Variants in AKAP9 observed in about 807,000 individuals in gnomAD.
AKAP9 encodes the protein A-kinase anchor protein 9.
A neutral mutation model predicts 488.5 loss-of-function variants in AKAP9; 311 were observed. The ratio of observed to expected loss-of-function variants is 0.64; its 90% CI spans 0.58 to 0.70. The LOEUF is 0.70. Ranked by LOEUF, AKAP9 falls within the 30% of genes least tolerant of loss-of-function variation. The pLI is 0.00. For missense variants in AKAP9, 4,215 were observed against 4,374.5 expected, an observed-to-expected ratio of 0.96 and a Z score of 1.03; for synonymous variants, 1,462 against 1,483.5, an observed-to-expected ratio of 0.99 and a Z score of 0.33.
chr7:92,089,211 G>A (rs1384835970), intron 37 of AKAP9, among the ~76,000 whole-genome samples, 174 bp from the exon 38 acceptor site: 1 of 152,110 alleles, frequency 6.6e-6, no homozygotes. Flanking sequence ...AGAGGTAAAT[G>A]AGCATTTGTC....
intron 22 of AKAP9, chr7:92,058,312 C>A (rs1258014105): frequency 3.4e-6 from 2 of 580,618 alleles, no homozygotes; most frequent in Non-Finnish European, 6.9e-6. Flanking sequence ...ATGAAAATAA[C>A]TCAGTAATTG....
intron 25 of AKAP9, among the ~76,000 whole-genome samples, chr7:92,065,865 G>C (rs547678218): frequency 6.6e-6 from 1 of 152,058 alleles, no homozygotes; most frequent in Non-Finnish European, 1.5e-5. Context: ...AAATGGGCCC[G>C]GAACAGTGGT....
chr7:91,973,842 A>T lies in AKAP9; in HGVS notation c.180A>T (p.Ser60=), dbSNP rs761701541. Residue 60 remains serine (S), a synonymous_variant, in exon 2 of 50, where the codon TCA becomes TCT. Coordinates refer to ENST00000356239, the MANE Select transcript of AKAP9 (RefSeq NM_005751.5). ...ACCATGATTTGAATATTGATCAATC[A>T]CAGTGTAATGAAATGTACATAAATA... ...SAHHDLNIDQ[S]QCNEMYINSS... is the part of the protein sequence containing the mutation. 6 of 1,614,148 alleles carry T rather than the reference A, an allele frequency of 3.7e-6. No homozygotes were observed. In the South Asian group the frequency reaches 4.4e-5, roughly 12 times the overall value.
intron 1 of AKAP9, among the ~76,000 whole-genome samples, chr7:91,944,716 G>A (rs1791218836): frequency 6.6e-6 from 1 of 152,032 alleles, no homozygotes; most frequent in African/African-American, 2.4e-5. Context: ...AAACATAAAG[G>A]CTTATCAAAT....
In AKAP9 at chr7:92,110,300, G is replaced by C. The variant is rs1819141744; in HGVS notation, c.*141G>C. On this transcript the variant is annotated 3_prime_UTR_variant, in exon 50 of 50. Coordinates refer to ENST00000356239, the MANE Select transcript of AKAP9 (RefSeq NM_005751.5). The stretch of plus-strand genomic sequence containing the variant: ...ATGATTGTATACAAATCCCTTGCCA[G>C]CACATGAAAACAAACTGGAATTTGT... The C allele has an allele frequency of 5.7e-6, 4 of 700,558 alleles. No individual in the cohort carries two copies. The highest frequency in any genetic ancestry group is 1.8e-5 in the African/African-American group (1 of 56,002). The allele number at this position is 700,558 out of a possible 1,614,324, so 43.4% of individuals were successfully genotyped here.
chr7:92,001,206 T>C lies in AKAP9; in HGVS notation c.1289T>C (p.Leu430Ser). The C allele has an allele frequency of 6.2e-7, 1 of 1,613,838 alleles. No individual in the cohort carries two copies. The highest frequency in any genetic ancestry group is 8.5e-7 in the Non-Finnish European group (1 of 1,179,918). ...QRMEQETQRK[L>S]EQLRAELDEM... ...ATGGAACAAGAAACACAAAGAAAGTTAGAACAACTCCGGGCAGAGCTGGAT... is the reference window on the plus strand; with the variant it reads ...ATGGAACAAGAAACACAAAGAAAGTCAGAACAACTCCGGGCAGAGCTGGAT... The change falls in exon 8 of 50, where the codon TTA becomes TCA. Residue 430 changes from leucine to serine, a missense_variant. Physicochemically the swap from Leu to Ser is moderately radical, Grantham distance 145. This residue lies in a region of AKAP9 where 2,361 missense variants were observed against 2,430.0 expected (regional missense o/e 0.97). Transcript: ENST00000356239.
chr7:92,030,660 G>A (rs1056362746), intron 15 of AKAP9, among the ~76,000 whole-genome samples: 36 of 151,408 alleles, frequency 2.4e-4, no homozygotes, highest in African/African-American at 8.7e-4. Context: ...AAAAAAAAGG[G>A]TTTAGGAATC....
intron 1 of AKAP9, among the ~76,000 whole-genome samples, chr7:91,952,807 AGG>A (rs1415128980): frequency 2.0e-5 from 3 of 152,024 alleles, no homozygotes; most frequent in African/African-American, 7.2e-5. Flanking sequence ...TCTATTAATG[AGG>A]GGTATTTTTG....
At position 92,002,761 on chromosome 7, in the gene AKAP9, C is replaced by G. The variant is rs748549628; in HGVS notation, c.2844C>G (p.Thr948=). Reference sequence around the variant, plus strand: ...AACTCATGGAAAAACTTGAGGTAACCAAGCGAGAGAAATTAGAGCTGTCAC... The same window carrying G: ...AACTCATGGAAAAACTTGAGGTAACGAAGCGAGAGAAATTAGAGCTGTCAC... ...TTELMEKLEV[T]KREKLELSQR... Residue 948 remains threonine, a synonymous_variant, in exon 8 of 50, where the codon ACC becomes ACG. Coordinates refer to ENST00000356239, the MANE Select transcript of AKAP9 (RefSeq NM_005751.5). 6.8e-6 allele frequency: 11 copies of G among 1,613,508 alleles called. No individual in the cohort carries two copies. Among genetic ancestry groups the G allele is most frequent in the Non-Finnish European group, 9.3e-6 (11 of 1,179,672 alleles).
At chr7:91,998,673 TG>T (rs1562954956) in intron 7 of AKAP9, among the ~76,000 whole-genome samples, 1 of 152,030 alleles carries the variant, frequency 6.6e-6, no homozygotes, top group Non-Finnish European at 1.5e-5. Context: ...AGTTAAATTT[TG>T]TAACATTAAC....
At chr7:92,036,042 G>A (rs1805145748) in intron 16 of AKAP9, among the ~76,000 whole-genome samples, 1 of 151,124 alleles carries the variant, frequency 6.6e-6, no homozygotes. Flanking sequence ...TTATCTATTG[G>A]GAGTAAACTA....
At chr7:92,080,258 A>G (rs1259778426) in intron 31 of AKAP9, 106 bp downstream of exon 31, 1 of 941,294 alleles carries the variant, frequency 1.1e-6, no homozygotes, top group Non-Finnish European at 1.5e-6. Context: ...TTTATACAAG[A>G]AGGTTTTTAT....
rs886062463 is a variant in AKAP9, at chr7:91,940,889, C to A, written c.-211C>A. ...GTTTACGTGGAGACGAAGATGGCGG[C>A]GGCGGCGGCGGTGACGGCGCTTCCC... On this transcript the variant is annotated 5_prime_UTR_variant, in exon 1 of 50. Coordinates refer to ENST00000356239, the MANE Select transcript of AKAP9 (RefSeq NM_005751.5). 9.9e-6 allele frequency: 6 copies of A among 603,136 alleles called. No individual in the cohort carries two copies. The highest frequency in any genetic ancestry group is 1.8e-5 in the Non-Finnish European group (6 of 336,620). 37.4% of individuals were successfully genotyped at this position (603,136 alleles called of 1,614,324 possible). A position where few individuals can be genotyped will look rare whatever the true frequency, so the allele number is the denominator to read the frequency against.
chr7:92,061,587 T>C (rs1250645695), intron 23 of AKAP9, among the ~76,000 whole-genome samples, 165 bp downstream of exon 23: 11 of 35,362 alleles, frequency 3.1e-4, no homozygotes, highest in Non-Finnish European at 6.6e-4. Context: ...TTTAAAACTA[T>C]ATATATATAT....
Position 92,003,059 on chromosome 7 carries a change from A to G in AKAP9, c.3142A>G (p.Ile1048Val), listed in dbSNP as rs754166375. ...TAAAAGTTTTGGTGAAGAATCAAAA[A>G]TAATGGTGGAAGATAAAGTTTCTTT... ...VNKSFGEESKIMVEDKVSFEN... is the reference protein window; with the variant it reads ...VNKSFGEESKVMVEDKVSFEN... Residue 1048 changes from isoleucine to valine, a missense_variant, in exon 8 of 50, where the codon ATA becomes GTA. Physicochemically the swap from Ile to Val is conservative, Grantham distance 29 (BLOSUM62 3). This residue lies in a region of AKAP9 where 2,361 missense variants were observed against 2,430.0 expected (regional missense o/e 0.97). Transcript: ENST00000356239. 2 of 1,613,266 alleles carry G rather than the reference A, an allele frequency of 1.2e-6. No homozygotes were observed. The highest frequency in any genetic ancestry group is 1.7e-6 in the Non-Finnish European group (2 of 1,179,592).
At position 92,077,884 on chromosome 7, in the gene AKAP9, A is replaced by G; in HGVS notation, c.6945+9A>G. 6.3e-7 allele frequency: 1 copy of G among 1,594,442 alleles called. No homozygotes were observed. The highest frequency in any genetic ancestry group is 2.3e-5 in the East Asian group (1 of 44,424). On this transcript the variant is annotated intron_variant, in intron 30 of 49. Transcript: ENST00000356239. Reference sequence around the variant, plus strand: ...TTACAACAGATAACAAGGTATACTCATTTAAAATTGATTATGAAATTAATA... The same window carrying G: ...TTACAACAGATAACAAGGTATACTCGTTTAAAATTGATTATGAAATTAATA...
intron 3 of AKAP9, among the ~76,000 whole-genome samples, chr7:91,990,242 G>A (rs1003836510): frequency 6.6e-6 from 1 of 152,052 alleles, no homozygotes; most frequent in African/African-American, 2.4e-5. Context: ...ACTTTCATAT[G>A]AAGGTTTACT....
chr7:91,995,336 T>C (rs1798256136), intron 6 of AKAP9, among the ~76,000 whole-genome samples: 1 of 152,192 alleles, frequency 6.6e-6, no homozygotes, highest in Non-Finnish European at 1.5e-5. Flanking sequence ...CCATAGGGAA[T>C]TCGGGAAGTA....
At chr7:92,089,799 C>G (rs748824163) in intron 38 of AKAP9, 4 of 253,452 alleles carry the variant, frequency 1.6e-5, no homozygotes, top group Non-Finnish European at 3.1e-5. Context: ...TATTTTAGAG[C>G]TGTATGTTAA....
Sources: allele counts gnomAD v4.1 joint callset (sites outside exome capture counted in the v4.1 genomes callset), GRCh38; gene constraint gnomAD v4.1.1; regional missense constraint gnomAD v4.1.1; transcripts MANE v1.5; gene names NCBI Gene and HGNC (gene_info 2026-07-23, HGNC 2026-07-21).